The following CSMD1 variants were observed in gnomAD, a reference collection of about 807,000 sequenced individuals.
CSMD1 encodes the protein CUB and sushi domain-containing protein 1.
In CSMD1, 213 loss-of-function variants were observed where a neutral mutation model predicts 417.5. The ratio of observed to expected loss-of-function variants is 0.51; its 90% CI spans 0.46 to 0.57. CSMD1 has a LOEUF of 0.57. Ranked by LOEUF, CSMD1 falls within the 20% of genes least tolerant of loss-of-function variation. The pLI is 0.00. For synonymous variants in CSMD1, 2,862 were observed against 1,736.8 expected, an observed-to-expected ratio of 1.65 and a Z score of -16.11; for missense variants, 6,923 against 4,529.7, an observed-to-expected ratio of 1.53 and a Z score of -15.17.
chr8:3,976,478 T>C (rs919635269), intron 5 of CSMD1, among the ~76,000 whole-genome samples: 5 of 152,186 alleles, frequency 3.3e-5, no homozygotes, highest in African/African-American at 1.2e-4. Context: ...GGTCTAGAAG[T>C]GTGACTAACA....
rs143554246 is a variant in CSMD1, at chr8:4,688,163, TA to T, written c.86-50606del. ...TCTAAGGTTCTAAGGTATTTGATTC[TA>T]GGAGTTTTTTGTGAGTGTACGAGAG... On this transcript the variant is annotated intron_variant, in intron 1 of 69. Transcript: ENST00000635120. Among the ~76,000 whole-genome samples, 1,520 of 152,344 alleles carry T rather than the reference TA, an allele frequency of 1.0e-2. 12 individuals are homozygous for T. The highest frequency in any genetic ancestry group is 0.017 in the Non-Finnish European group (1,156 of 68,032).
At position 4,237,521 on chromosome 8, in the gene CSMD1, G is replaced by A. The variant is rs553869772; in HGVS notation, c.415+182432C>T. On this transcript the variant is annotated intron_variant, in intron 3 of 69. Transcript: ENST00000635120. ...TCACTCTTGAACATGATGCTATACTGCAGTCAATACTACTTTTTTTTTTTT... is the reference window on the plus strand; with the variant it reads ...TCACTCTTGAACATGATGCTATACTACAGTCAATACTACTTTTTTTTTTTT... Among the ~76,000 whole-genome samples, 12 of 139,274 alleles carry A rather than the reference G, an allele frequency of 8.6e-5. 1 individual carries two copies. Among genetic ancestry groups the A allele is most frequent in the Admixed American group, 2.4e-4 (3 of 12,318 alleles). The allele number at this position is 139,274 out of a possible 152,430, so 91.4% of individuals were successfully genotyped here.
chr8:3,017,381 T>C (rs537373770), intron 52 of CSMD1, among the ~76,000 whole-genome samples: 16 of 152,264 alleles, frequency 1.1e-4, no homozygotes, highest in African/African-American at 1.9e-4. Context: ...GAAGCATACA[T>C]AGTCCAAGGA....
At chr8:4,490,006 C>A (rs574319963) in intron 2 of CSMD1, among the ~76,000 whole-genome samples, 1 of 149,680 alleles carries the variant, frequency 6.7e-6, no homozygotes, top group Non-Finnish European at 1.5e-5. Flanking sequence ...TGTTGTCTGT[C>A]TTTCCAGGTC....
intron 10 of CSMD1, among the ~76,000 whole-genome samples, chr8:3,524,701 C>A (rs576807094): frequency 6.0e-5 from 9 of 150,698 alleles, no homozygotes; most frequent in East Asian, 5.9e-4. Context: ...AAGAGACGTG[C>A]ACACACAAGC....
chr8:4,418,171 C>T (rs1027055352), intron 3 of CSMD1, among the ~76,000 whole-genome samples: 1 of 151,950 alleles, frequency 6.6e-6, no homozygotes, highest in African/African-American at 2.4e-5. Context: ...CACTTGTCAA[C>T]ATCAGACTAT....
At chr8:2,994,855 T>A (rs75638836) in intron 54 of CSMD1, among the ~76,000 whole-genome samples, 4,032 of 152,266 alleles carry the variant, frequency 0.026, 194 homozygotes, top group African/African-American at 0.091. Context: ...CTCTTGAATA[T>A]CCATAGGTTA....
At chr8:4,322,376 C>T (rs913134619) in intron 3 of CSMD1, among the ~76,000 whole-genome samples, 1 of 152,030 alleles carries the variant, frequency 6.6e-6, no homozygotes, top group African/African-American at 2.4e-5. Flanking sequence ...AATTAGAATT[C>T]CCCCAGTTGG....
intron 46 of CSMD1, among the ~76,000 whole-genome samples, chr8:3,105,014 G>C (rs777692083): frequency 6.6e-6 from 1 of 152,224 alleles, no homozygotes; most frequent in Non-Finnish European, 1.5e-5. Flanking sequence ...CCAGTTATCA[G>C]ACCTTTGAAG....
chr8:3,845,982 G>A (rs536957968), intron 5 of CSMD1, among the ~76,000 whole-genome samples: 42 of 152,000 alleles, frequency 2.8e-4, no homozygotes, highest in South Asian at 8.3e-4. Context: ...AGTACCCATG[G>A]AGCCGTCACC....
At chr8:4,355,016 A>C (rs1801332685) in intron 3 of CSMD1, among the ~76,000 whole-genome samples, 1 of 151,816 alleles carries the variant, frequency 6.6e-6, no homozygotes, top group African/African-American at 2.4e-5. Context: ...TAATCCCAGC[A>C]CTTTGGGAGG....
intron 40 of CSMD1, among the ~76,000 whole-genome samples, chr8:3,145,739 C>T (rs1259102681): frequency 6.6e-6 from 1 of 152,150 alleles, no homozygotes; most frequent in Non-Finnish European, 1.5e-5. Context: ...TTAAAATAAG[C>T]ATAACCTGGT....
intron 23 of CSMD1, among the ~76,000 whole-genome samples, chr8:3,310,954 T>A (rs1805294219): frequency 6.6e-6 from 1 of 152,194 alleles, no homozygotes; most frequent in Non-Finnish European, 1.5e-5. Context: ...TTGAAACACA[T>A]CTGCTGGGGA....
chr8:3,313,394 A>T (rs1392591363), intron 23 of CSMD1, among the ~76,000 whole-genome samples: 3 of 152,238 alleles, frequency 2.0e-5, no homozygotes, highest in Non-Finnish European at 1.5e-5. Flanking sequence ...AATATGCACA[A>T]TCTACAATGA....
At position 3,198,011 on chromosome 8, in the gene CSMD1, G is replaced by A. The variant is rs560671778; in HGVS notation, c.5194+1703C>T. Reference sequence around the variant, plus strand: ...AATTTATAAAATATTGAGGATGTTAGAGTCGTCATATACTCTTGAGGACAA... The same window carrying A: ...AATTTATAAAATATTGAGGATGTTAAAGTCGTCATATACTCTTGAGGACAA... On this transcript the variant is annotated intron_variant, in intron 33 of 69. Coordinates refer to ENST00000635120, the MANE Select transcript of CSMD1 (RefSeq NM_033225.6). Among the ~76,000 whole-genome samples, 12 of 152,294 alleles carry A rather than the reference G, an allele frequency of 7.9e-5. No homozygotes were observed. The South Asian group carries it at 2.1e-3, about 26-fold the overall frequency.
chr8:3,572,713 C>G (rs749940498), intron 10 of CSMD1, among the ~76,000 whole-genome samples: 3 of 152,144 alleles, frequency 2.0e-5, no homozygotes, highest in Non-Finnish European at 4.4e-5. Context: ...CTTCTGGTCT[C>G]GATCACATCT....
intron 11 of CSMD1, among the ~76,000 whole-genome samples, chr8:3,478,830 C>G (rs1044961584): frequency 6.6e-6 from 1 of 152,136 alleles, no homozygotes; most frequent in African/African-American, 2.4e-5. Context: ...GAAGGCAGAA[C>G]CTGCAAGAGG....
Position 2,938,613 on chromosome 8 carries a change from G to C in CSMD1, c.10667C>G (p.Thr3556Ser). ...TACCACTGTACAGACTGTGTTCAGA[G>C]TTGTGTCAAACCTCACAGCCTTGGC... ...TEAKAVRFDT[T>S]LNTVCTVV Residue 3556 changes from threonine to serine, a missense_variant, in exon 70 of 70, where the codon ACT becomes AGT. Coordinates refer to ENST00000635120, the MANE Select transcript of CSMD1 (RefSeq NM_033225.6). The C allele has an allele frequency of 6.2e-7, 1 of 1,612,366 alleles. No homozygotes were observed.
intron 1 of CSMD1, among the ~76,000 whole-genome samples, chr8:4,759,351 G>T (rs772585099): frequency 1.3e-5 from 2 of 152,174 alleles, no homozygotes; most frequent in Non-Finnish European, 2.9e-5. Context: ...GCCAATAAAG[G>T]GCAGTGGACA....
Sources: allele counts gnomAD v4.1 joint callset (sites outside exome capture counted in the v4.1 genomes callset), GRCh38; gene constraint gnomAD v4.1.1; transcripts MANE v1.5; gene names NCBI Gene and HGNC (gene_info 2026-07-23, HGNC 2026-07-21).